The following SLC35D2 variants were observed in gnomAD, a reference collection of about 807,000 sequenced individuals.
SLC35D2 encodes solute carrier family 35 member D2.
Under a neutral mutation model 41.8 loss-of-function variants are expected in SLC35D2, and 43 were observed. The ratio of observed to expected loss-of-function variants is 1.03; its 90% CI spans 0.81 to 1.33. The LOEUF is 1.33. Ranked by LOEUF, SLC35D2 falls within the 40% of genes most tolerant of loss-of-function variation. The pLI, the probability that SLC35D2 is intolerant of heterozygous loss-of-function variation, is 0.00. For missense variants in SLC35D2, 380 were observed against 408.4 expected (o/e 0.93, Z 0.60); for synonymous variants, 150 against 163.9 (o/e 0.92, Z 0.65).
At chr9:96,368,980 G>T (rs1378242793) in intron 1 of SLC35D2, among the ~76,000 whole-genome samples, 1 of 152,068 alleles carries the variant, frequency 6.6e-6, no homozygotes, top group African/African-American at 2.4e-5. Context: ...GGCCAGGCTG[G>T]TCTCAAACTC....
chr9:96,375,534 T>C (rs909904418), intron 1 of SLC35D2, among the ~76,000 whole-genome samples: 1 of 150,602 alleles, frequency 6.6e-6, no homozygotes, highest in African/African-American at 2.4e-5. Flanking sequence ...GCCAAGATCA[T>C]GCCATTGCAC....
chr9:96,369,762 C>A (rs10820447), intron 1 of SLC35D2, among the ~76,000 whole-genome samples: 1 of 151,900 alleles, frequency 6.6e-6, no homozygotes, highest in African/African-American at 2.4e-5. Flanking sequence ...AAGGCAGGAC[C>A]GCACCTGCAC....
intron 8 of SLC35D2, among the ~76,000 whole-genome samples, chr9:96,337,398 A>C (rs1166500090): frequency 6.6e-6 from 1 of 151,560 alleles, no homozygotes; most frequent in Non-Finnish European, 1.5e-5. Context: ...TTTTTCTTTA[A>C]GTAGAGACAG....
At chr9:96,379,636 T>G (rs1309172350) in intron 1 of SLC35D2, among the ~76,000 whole-genome samples, 1 of 152,192 alleles carries the variant, frequency 6.6e-6, no homozygotes, top group Non-Finnish European at 1.5e-5. Context: ...AGACAACTCA[T>G]GCTTGGATCC....
In SLC35D2 at chr9:96,372,140, G is replaced by A. The variant is rs151270652; in HGVS notation, c.159-3835C>T. Among the ~76,000 whole-genome samples the A allele has an allele frequency of 1.9e-4, 29 of 152,282 alleles. 1 individual carries two copies. In the East Asian group the frequency reaches 1.9e-3, roughly 10 times the overall value. ...CACTCCTGATACAGTGTAAGACGAC[G>A]TTCCCAGGGTAGCTATCAAGTATTC... On this transcript the variant is annotated intron_variant, in intron 1 of 11. Transcript: ENST00000253270.
chr9:96,345,256 G>T, intron 7 of SLC35D2, 43 bp downstream of exon 7: 1 of 948,460 alleles, frequency 1.1e-6, no homozygotes, highest in Non-Finnish European at 1.7e-6. Context: ...TAATTCTAGG[G>T]GCCAGATGAC....
At chr9:96,322,666 C>T (rs1197818039) in intron 10 of SLC35D2, among the ~76,000 whole-genome samples, 2 of 150,678 alleles carry the variant, frequency 1.3e-5, no homozygotes, top group Non-Finnish European at 2.9e-5. Context: ...CTGTCATCAG[C>T]TTGCCAGGTT....
chr9:96,344,723 A>AGGGGGAGG (rs557137821), intron 7 of SLC35D2, among the ~76,000 whole-genome samples: 11 of 29,498 alleles, frequency 3.7e-4, no homozygotes, highest in African/African-American at 2.9e-4. Flanking sequence ...GGGGTGGGGG[A>AGGGGGAGG]GGGATGGGGG....
At chr9:96,365,897 C>A (rs1830453395) in intron 2 of SLC35D2, among the ~76,000 whole-genome samples, 1 of 152,132 alleles carries the variant, frequency 6.6e-6, no homozygotes, top group Non-Finnish European at 1.5e-5. Context: ...TAATCCTATA[C>A]CTTGCTCCTG....
downstream of SLC35D2, among the ~76,000 whole-genome samples, chr9:96,319,153 G>A (rs974303365): frequency 3.9e-5 from 6 of 152,146 alleles, no homozygotes; most frequent in African/African-American, 1.4e-4. Flanking sequence ...AACAGAATGC[G>A]GCAAATCCAC....
intron 8 of SLC35D2, 22 bp from the exon 9 acceptor site, chr9:96,336,806 C>T: frequency 7.2e-7 from 1 of 1,386,396 alleles, no homozygotes; most frequent in Non-Finnish European, 1.0e-6. Flanking sequence ...AAGAAAAAAA[C>T]TAATGATTAG....
intron 1 of SLC35D2, among the ~76,000 whole-genome samples, chr9:96,369,256 G>A (rs961510064): frequency 6.6e-6 from 1 of 152,064 alleles, no homozygotes; most frequent in African/African-American, 2.4e-5. Flanking sequence ...AAAGGCATCT[G>A]TATAAAAAAT....
intron 1 of SLC35D2, among the ~76,000 whole-genome samples, chr9:96,375,791 G>T (rs754606206): frequency 1.3e-5 from 2 of 152,096 alleles, no homozygotes; most frequent in Non-Finnish European, 2.9e-5. Context: ...GCCAAGGCAG[G>T]TGGATCACTT....
intron 9 of SLC35D2, among the ~76,000 whole-genome samples, chr9:96,327,457 T>C (rs1406138134): frequency 6.6e-6 from 1 of 152,014 alleles, no homozygotes; most frequent in Non-Finnish European, 1.5e-5. Context: ...CCAGCACCCA[T>C]CCATCATGAG....
At chr9:96,337,656 G>A (rs568758995) in intron 8 of SLC35D2, among the ~76,000 whole-genome samples, 1 of 152,194 alleles carries the variant, frequency 6.6e-6, no homozygotes, top group East Asian at 1.9e-4. Context: ...CAAGTAATTG[G>A]GGTGGAGGAC....
intron 4 of SLC35D2, among the ~76,000 whole-genome samples, 200 bp downstream of exon 4, chr9:96,359,954 A>T (rs979772918): frequency 1.3e-5 from 2 of 152,212 alleles, no homozygotes; most frequent in African/African-American, 2.4e-5. Flanking sequence ...AATATAATTT[A>T]AAAAAATAAG....
intron 1 of SLC35D2, among the ~76,000 whole-genome samples, chr9:96,373,006 TCTC>T (rs1830777410): frequency 6.6e-6 from 1 of 151,514 alleles, no homozygotes; most frequent in African/African-American, 2.4e-5. Flanking sequence ...TTCAAGCAAT[TCTC>T]CTGCCTCAGC....
chr9:96,368,009 C>T (rs1830543510), intron 2 of SLC35D2, among the ~76,000 whole-genome samples: 1 of 152,156 alleles, frequency 6.6e-6, no homozygotes. Context: ...AGTCTTGCAG[C>T]CCCCTGCTTT....
At chr9:96,358,080 T>TTATATA (rs34633441) in intron 4 of SLC35D2, among the ~76,000 whole-genome samples, 3,026 of 122,490 alleles carry the variant, frequency 0.025, 88 homozygotes, top group Middle Eastern at 0.037. Flanking sequence ...ATTATATATT[T>TTATATA]TATATATATA....
Sources: gnomAD v4.1 joint callset for allele counts (sites outside exome capture counted in the v4.1 genomes callset) on GRCh38, gnomAD v4.1.1 for gene constraint, MANE v1.5 for transcripts, NCBI Gene and HGNC (gene_info 2026-07-23, HGNC 2026-07-21) for gene names.